The following METTL2B variants were observed in gnomAD, a reference collection of about 807,000 sequenced individuals.
METTL2B encodes methyltransferase 2B, tRNA N3-cytidine.
In METTL2B, 28 loss-of-function variants were observed where a neutral mutation model predicts 51.0. The ratio of observed to expected loss-of-function variants is 0.55; its 90% CI spans 0.41 to 0.75. METTL2B has a LOEUF of 0.75. Ranked by LOEUF, METTL2B falls within the 30% of genes least tolerant of loss-of-function variation. The pLI is 0.00. For missense variants in METTL2B, 313 were observed against 460.7 expected, an observed-to-expected ratio of 0.68 and a Z score of 2.93; for synonymous variants, 128 against 166.3, an observed-to-expected ratio of 0.77 and a Z score of 1.77.
chr7:128,482,160 T>C (rs1004336550), intron 4 of METTL2B, among the ~76,000 whole-genome samples: 1 of 152,134 alleles, frequency 6.6e-6, no homozygotes, highest in African/African-American at 2.4e-5. Context: ...GAGTTCATCA[T>C]GAATAACAAA....
chr7:128,497,401 A>C (rs2116864790), intron 6 of METTL2B, among the ~76,000 whole-genome samples: 1 of 152,360 alleles, frequency 6.6e-6, no homozygotes, highest in South Asian at 2.1e-4. Context: ...GATTCGGCTT[A>C]GCCACAGGAG....
chr7:128,503,845 A>T lies in METTL2B; in HGVS notation c.*1929A>T, dbSNP rs1302419501. On this transcript the variant is annotated 3_prime_UTR_variant, in exon 9 of 9. Transcript: ENST00000262432. ...AAACCCCGTCTCCACTAAAAAATAAAAAATCAGCCCGGCATGGTTGTGGGC... is the reference window on the plus strand; with the variant it reads ...AAACCCCGTCTCCACTAAAAAATAATAAATCAGCCCGGCATGGTTGTGGGC... 1.3e-5 allele frequency: 2 copies of T among 152,104 alleles called. No homozygotes were observed. The highest frequency in any genetic ancestry group is 2.9e-5 in the Non-Finnish European group (2 of 68,012). 9.4% of individuals were successfully genotyped at this position (152,104 alleles called of 1,614,324 possible).
chr7:128,478,752 T>C (rs1247901868), intron 2 of METTL2B, among the ~76,000 whole-genome samples: 1 of 151,554 alleles, frequency 6.6e-6, no homozygotes, highest in Non-Finnish European at 1.5e-5. Flanking sequence ...TAGTCCCAGC[T>C]ACTCAGTAGG....
intron 4 of METTL2B, among the ~76,000 whole-genome samples, chr7:128,482,040 C>T (rs1008178094): frequency 1.1e-4 from 16 of 152,180 alleles, no homozygotes; most frequent in African/African-American, 3.9e-4. Flanking sequence ...ATCTGCATTT[C>T]TATTCAGGAC....
intron 8 of METTL2B, 100 bp from the exon 9 acceptor site, chr7:128,501,662 G>A (rs1009213108): frequency 8.5e-6 from 13 of 1,528,272 alleles, no homozygotes; most frequent in African/African-American, 2.8e-5. Context: ...TAAAAAACAC[G>A]ACAGCAACTT....
At chr7:128,501,567 G>A (rs774254250) in intron 8 of METTL2B, 195 bp from the exon 9 acceptor site, 180 of 985,166 alleles carry the variant, frequency 1.8e-4, no homozygotes, top group Admixed American at 3.7e-4. Flanking sequence ...AGAAAAAACC[G>A]CGGCCTATAC....
At chr7:128,481,165 T>C (rs1047295200) in intron 4 of METTL2B, among the ~76,000 whole-genome samples, 1 of 152,242 alleles carries the variant, frequency 6.6e-6, no homozygotes, top group African/African-American at 2.4e-5. Context: ...TGTCTCCTGT[T>C]CTGATGAAAA....
chr7:128,497,997 A>C, intron 6 of METTL2B, 39 bp from the exon 7 acceptor site: 1 of 1,606,752 alleles, frequency 6.2e-7, no homozygotes, highest in Non-Finnish European at 8.5e-7. Context: ...CCTGTCTTTA[A>C]GGAGACCTGA....
chr7:128,499,957 T>C (rs978471732), intron 7 of METTL2B, among the ~76,000 whole-genome samples: 3 of 152,200 alleles, frequency 2.0e-5, no homozygotes, highest in Non-Finnish European at 4.4e-5. Flanking sequence ...GATGTCGTGC[T>C]TGTCACCTGA....
At chr7:128,495,071 T>A (rs1384923011) in intron 6 of METTL2B, among the ~76,000 whole-genome samples, 1 of 151,372 alleles carries the variant, frequency 6.6e-6, no homozygotes, top group East Asian at 2.0e-4. Context: ...TATGCCACCA[T>A]GCCTGGCTAA....
In METTL2B at chr7:128,493,927, G is replaced by A. The variant is rs1291674579; in HGVS notation, c.793G>A (p.Ala265Thr). ...TATCATTCTCATATTTGTTCTTTCA[G>A]CAGTTGTTCCAGACAAGTAAGTTTG... is the stretch of plus-strand genomic sequence containing the variant. ...DIIILIFVLS[A>T]VVPDKMQKAI... Residue 265 changes from alanine (A) to threonine (T), a missense_variant, in exon 6 of 9, where the codon GCA becomes ACA. Coordinates refer to ENST00000262432, the MANE Select transcript of METTL2B (RefSeq NM_018396.3). 11 of 1,600,108 alleles carry A rather than the reference G, an allele frequency of 6.9e-6. No individual in the cohort carries two copies. The highest frequency in any genetic ancestry group is 9.4e-6 in the Non-Finnish European group (11 of 1,175,368).
rs58524585 is a variant in METTL2B, at chr7:128,501,084, G to A, written c.982+116G>A. The A allele has an allele frequency of 7.3e-4, 1,130 of 1,550,630 alleles. 15 individuals carry two copies. In the East Asian group the frequency reaches 0.021, roughly 29 times the overall value. The stretch of plus-strand genomic sequence containing the variant: ...GCCTTTTAGGCAGGCTGTTTCCTTC[G>A]GTTCCCCGCTGCTCACACCCTCTTC... On this transcript the variant is annotated intron_variant, in intron 8 of 8. Coordinates refer to ENST00000262432, the MANE Select transcript of METTL2B (RefSeq NM_018396.3).
chr7:128,479,399 T>G lies in METTL2B; in HGVS notation c.444T>G (p.Leu148=). 6.2e-7 allele frequency: 1 copy of G among 1,614,264 alleles called. No individual in the cohort carries two copies. Among genetic ancestry groups the G allele is most frequent in the South Asian group, 1.1e-5 (1 of 91,090 alleles). Reference sequence around the variant, plus strand: ...AGCACAAGTGTTCTTCGAAGAGCCTTGAACATAAAACACAGACACCTCCTG... The same window carrying G: ...AGCACAAGTGTTCTTCGAAGAGCCTGGAACATAAAACACAGACACCTCCTG... ...EEQHKCSSKS[L]EHKTQTPPVE... is the part of the protein sequence containing the mutation. The change falls in exon 3 of 9, where the codon CTT becomes CTG. Residue 148 remains leucine, a synonymous_variant. Coordinates refer to ENST00000262432, the MANE Select transcript of METTL2B (RefSeq NM_018396.3).
Position 128,476,760 on chromosome 7 carries a change from G to A in METTL2B, c.-6G>A. 6.2e-7 allele frequency: 1 copy of A among 1,613,570 alleles called. No homozygotes were observed. Among genetic ancestry groups the A allele is most frequent in the South Asian group, 1.1e-5 (1 of 91,004 alleles). ...CGGAAAGTGAAGTGTTTCCGGCTCC[G>A]GTGTCATGGCCGGCTCCTACCCTGA... On this transcript the variant is annotated 5_prime_UTR_variant, in exon 1 of 9. Transcript: ENST00000262432.
intron 6 of METTL2B, among the ~76,000 whole-genome samples, chr7:128,497,561 C>T (rs1792946304): frequency 6.6e-6 from 1 of 152,222 alleles, no homozygotes; most frequent in African/African-American, 2.4e-5. Flanking sequence ...TGGCTCACTG[C>T]AACCTCCACC....
chr7:128,496,873 C>T (rs1231888721), intron 6 of METTL2B, among the ~76,000 whole-genome samples: 6 of 151,950 alleles, frequency 3.9e-5, no homozygotes, highest in Admixed American at 2.6e-4. Context: ...CTCTGCCTCC[C>T]GGGTTCAAGC....
At chr7:128,494,045 T>C (rs1205316961) in intron 6 of METTL2B, 102 bp downstream of exon 6, 14 of 1,418,978 alleles carry the variant, frequency 9.9e-6, no homozygotes, top group Non-Finnish European at 1.3e-5. Context: ...CAGGCTGGAG[T>C]GCAGTGGCAC....
chr7:128,500,995 A>G lies in METTL2B; in HGVS notation c.982+27A>G, dbSNP rs371634977. 5.0e-6 allele frequency: 8 copies of G among 1,613,792 alleles called. No individual in the cohort carries two copies. The Admixed American group carries it at 8.3e-5, about 17-fold the overall frequency. On this transcript the variant is annotated intron_variant, in intron 8 of 8. Coordinates refer to ENST00000262432, the MANE Select transcript of METTL2B (RefSeq NM_018396.3). Reference sequence around the variant, plus strand: ...TATGAAACACTCATCTTTTTACGCTAAAAGTCCCCAGTACCAGATGGTCTT... The same window carrying G: ...TATGAAACACTCATCTTTTTACGCTGAAAGTCCCCAGTACCAGATGGTCTT...
At chr7:128,482,337 A>G (rs1246116819) in intron 4 of METTL2B, among the ~76,000 whole-genome samples, 2 of 151,840 alleles carry the variant, frequency 1.3e-5, no homozygotes, top group African/African-American at 2.4e-5. Context: ...TATTTTTAGT[A>G]GAGACAGGGT....
Sources: allele counts gnomAD v4.1 joint callset (sites outside exome capture counted in the v4.1 genomes callset), GRCh38; gene constraint gnomAD v4.1.1; transcripts MANE v1.5; gene names NCBI Gene and HGNC (gene_info 2026-07-23, HGNC 2026-07-21).